Variants in COL25A1 observed in about 807,000 individuals in gnomAD.
COL25A1 encodes the protein collagen type XXV alpha 1 chain, also known as collagen alpha-1(XXV) chain.
Under a neutral mutation model 128.4 loss-of-function variants are expected in COL25A1, and 103 were observed. The ratio of observed to expected loss-of-function variants is 0.80; its 90% CI spans 0.68 to 0.94. The LOEUF (loss-of-function observed/expected upper bound fraction) is 0.94, where lower values mean the gene tolerates loss of function less well. Ranked by LOEUF, COL25A1 falls within the 40% of genes least tolerant of loss-of-function variation. COL25A1 has a pLI of 0.00. For synonymous variants in COL25A1, 279 were observed against 277.2 expected (o/e 1.01, Z -0.06); for missense variants, 745 against 840.0 (o/e 0.89, Z 1.40).
chr4:108,928,892 T>C (rs1228446671), intron 11 of COL25A1, among the ~76,000 whole-genome samples: 1 of 152,134 alleles, frequency 6.6e-6, no homozygotes, highest in African/African-American at 2.4e-5. Flanking sequence ...GGTGACTGCA[T>C]TGAACAGTGC....
At position 109,170,222 on chromosome 4, in the gene COL25A1, A is replaced by G. The variant is rs796112961; in HGVS notation, c.368-120043T>C. ...TTTTATTTACTAAGGAGAAGAGATA[A>G]TTCCCTAATAGGGAAGATGAAAATT... On this transcript the variant is annotated intron_variant, in intron 3 of 37. Coordinates refer to ENST00000399132, the MANE Select transcript of COL25A1 (RefSeq NM_198721.4). Among the ~76,000 whole-genome samples the G allele has an allele frequency of 3.4e-4, 52 of 152,260 alleles. 1 individual carries two copies. Among genetic ancestry groups the G allele is most frequent in the African/African-American group, 1.2e-3 (50 of 41,568 alleles).
intron 19 of COL25A1, 134 bp from the exon 20 acceptor site, chr4:108,869,284 C>A: frequency 1.8e-6 from 1 of 546,246 alleles, no homozygotes; most frequent in Non-Finnish European, 3.2e-6. Context: ...AGCTTTCTTG[C>A]CGAGATCCAG....
chr4:109,232,297 A>T (rs1379468794), intron 3 of COL25A1, among the ~76,000 whole-genome samples: 1 of 152,154 alleles, frequency 6.6e-6, no homozygotes, highest in Non-Finnish European at 1.5e-5. Flanking sequence ...TTCTAACATG[A>T]CACACTGAAA....
intron 6 of COL25A1, among the ~76,000 whole-genome samples, chr4:109,003,826 G>C (rs191155773): frequency 9.2e-4 from 129 of 140,306 alleles, no homozygotes; most frequent in Non-Finnish European, 1.4e-3. Context: ...ACAAAAAAAC[G>C]AAATATAAAT....
At chr4:108,840,101 GCA>G (rs1175790691) in intron 31 of COL25A1, among the ~76,000 whole-genome samples, 1 of 151,976 alleles carries the variant, frequency 6.6e-6, no homozygotes, top group Non-Finnish European at 1.5e-5. Flanking sequence ...AATTAGCCGG[GCA>G]TGGTGGTGGG....
chr4:108,945,531 T>C (rs1221435667), intron 8 of COL25A1, among the ~76,000 whole-genome samples: 1 of 149,936 alleles, frequency 6.7e-6, no homozygotes, highest in Non-Finnish European at 1.5e-5. Context: ...AATGGACATA[T>C]TTTACTTGGT....
intron 3 of COL25A1, among the ~76,000 whole-genome samples, chr4:109,170,004 T>C (rs953669773): frequency 2.0e-5 from 3 of 152,044 alleles, no homozygotes; most frequent in East Asian, 1.9e-4. Flanking sequence ...ATATTAATTG[T>C]ACAAGTCAAG....
Position 109,301,607 on chromosome 4 carries a change from C to T in COL25A1, c.297+116G>A, listed in dbSNP as rs1725537443. 6.8e-6 allele frequency: 8 copies of T among 1,177,544 alleles called. No homozygotes were observed. The East Asian group carries it at 9.4e-5, about 14-fold the overall frequency. 72.9% of individuals were successfully genotyped at this position (1,177,544 alleles called of 1,614,324 possible). A position where few individuals can be genotyped will look rare whatever the true frequency, so the allele number is the denominator to read the frequency against. The stretch of plus-strand genomic sequence containing the variant: ...TCCTTGGCCAACACATGCACGCGCG[C>T]GCACACACACAGCCACACCAAGTAT... On this transcript the variant is annotated intron_variant, in intron 2 of 37. Coordinates refer to ENST00000399132, the MANE Select transcript of COL25A1 (RefSeq NM_198721.4).
At chr4:109,127,410 G>A (rs568432403) in intron 3 of COL25A1, among the ~76,000 whole-genome samples, 1 of 152,278 alleles carries the variant, frequency 6.6e-6, no homozygotes, top group South Asian at 2.1e-4. Flanking sequence ...ATTGATTTTT[G>A]ATTCATATAT....
chr4:109,203,233 TATA>T (rs1776711019), intron 3 of COL25A1, among the ~76,000 whole-genome samples: 1 of 152,044 alleles, frequency 6.6e-6, no homozygotes, highest in Non-Finnish European at 1.5e-5. Context: ...AATTCTCAAC[TATA>T]ATAATGGAAA....
chr4:109,204,953 C>A (rs987426541), intron 3 of COL25A1, among the ~76,000 whole-genome samples: 1 of 152,100 alleles, frequency 6.6e-6, no homozygotes, highest in African/African-American at 2.4e-5. Context: ...TAAGTAAATT[C>A]GCAATGCTTC....
At chr4:108,889,607 C>A (rs1229734344) in intron 17 of COL25A1, 94 bp downstream of exon 17, 2 of 1,046,228 alleles carry the variant, frequency 1.9e-6, no homozygotes, top group Non-Finnish European at 1.5e-6. Flanking sequence ...AGAGTTATAA[C>A]CATCAAAGTT....
chr4:109,251,091 T>C (rs1780615652), intron 3 of COL25A1, among the ~76,000 whole-genome samples: 1 of 152,216 alleles, frequency 6.6e-6, no homozygotes, highest in Non-Finnish European at 1.5e-5. Context: ...ACGAAAGTGA[T>C]ACATCTTATG....
chr4:109,177,301 T>C (rs1252385952), intron 3 of COL25A1, among the ~76,000 whole-genome samples: 3 of 151,958 alleles, frequency 2.0e-5, no homozygotes, highest in Admixed American at 6.6e-5. Flanking sequence ...TGACAAAGAG[T>C]AAGCTGAGAG....
intron 8 of COL25A1, among the ~76,000 whole-genome samples, chr4:108,947,023 G>C (rs1748840524): frequency 6.6e-6 from 1 of 152,106 alleles, no homozygotes; most frequent in Non-Finnish European, 1.5e-5. Context: ...ATAGTAGAGG[G>C]AACACAAGGA....
At chr4:108,971,937 A>C (rs1751951139) in intron 8 of COL25A1, among the ~76,000 whole-genome samples, 1 of 152,220 alleles carries the variant, frequency 6.6e-6, no homozygotes, top group Non-Finnish European at 1.5e-5. Flanking sequence ...GCTGCTCAAT[A>C]TATACTGCTG....
At chr4:109,137,676 C>T (rs2526448) in intron 3 of COL25A1, among the ~76,000 whole-genome samples, 9,142 of 152,206 alleles carry the variant, frequency 0.06, 475 homozygotes, top group African/African-American at 0.14. Flanking sequence ...ATACAAATCA[C>T]ATATTTATTT....
chr4:108,894,926 G>T (rs552525744), intron 16 of COL25A1, among the ~76,000 whole-genome samples: 1 of 152,166 alleles, frequency 6.6e-6, no homozygotes. Context: ...CCCAGGTAAC[G>T]TTTGACAATA....
chr4:108,933,659 C>G (rs1429123249), intron 11 of COL25A1, among the ~76,000 whole-genome samples: 3 of 152,062 alleles, frequency 2.0e-5, no homozygotes, highest in Non-Finnish European at 4.4e-5. Flanking sequence ...ATTATGGAAC[C>G]CTTTGTGGTT....
Sources: gnomAD v4.1 joint callset for allele counts (sites outside exome capture counted in the v4.1 genomes callset) on GRCh38, gnomAD v4.1.1 for gene constraint, MANE v1.5 for transcripts, NCBI Gene and HGNC (gene_info 2026-07-23, HGNC 2026-07-21) for gene names.